Variants in GLI2 observed in about 807,000 individuals in gnomAD.
GLI2 encodes the protein GLI family zinc finger 2.
A neutral mutation model predicts 78.9 loss-of-function variants in GLI2; 22 were observed. That is an observed-to-expected ratio of 0.28 (90% confidence interval 0.20 to 0.40). The LOEUF is 0.40. Ranked by LOEUF, GLI2 falls within the 10% of genes least tolerant of loss-of-function variation. The probability of loss-of-function intolerance (pLI) is 1.00; values close to 1 mark genes in which losing one functional copy is unlikely to be tolerated. For synonymous variants in GLI2, 974 were observed against 963.7 expected (o/e 1.01, Z -0.20); for missense variants, 2,097 against 2,213.2 (o/e 0.95, Z 1.05).
At chr2:120,871,891 T>C (rs769721341) in intron 2 of GLI2, among the ~76,000 whole-genome samples, 7 of 152,224 alleles carry the variant, frequency 4.6e-5, no homozygotes, top group Non-Finnish European at 8.8e-5. Flanking sequence ...ATTATGTTTC[T>C]CAACTCCCAC....
intron 6 of GLI2, among the ~76,000 whole-genome samples, chr2:120,970,064 G>A (rs1391234387): frequency 6.6e-6 from 1 of 152,190 alleles, no homozygotes; most frequent in Admixed American, 6.5e-5. Flanking sequence ...CACGTAGTCA[G>A]GGAGCAGCGA....
chr2:120,903,031 G>GAA (rs2104787945), intron 2 of GLI2, among the ~76,000 whole-genome samples: 2 of 152,300 alleles, frequency 1.3e-5, no homozygotes, highest in East Asian at 3.9e-4. Flanking sequence ...GGCATTTATT[G>GAA]AAGCCAGTTC....
chr2:120,754,452 G>C (rs965216585), intron 1 of GLI2, among the ~76,000 whole-genome samples: 3 of 150,606 alleles, frequency 2.0e-5, no homozygotes, highest in African/African-American at 7.4e-5. Flanking sequence ...CCCACCCCCT[G>C]GCCTTCCCTG....
intron 2 of GLI2, among the ~76,000 whole-genome samples, chr2:120,829,700 G>A (rs1405622092): frequency 6.6e-6 from 1 of 152,224 alleles, no homozygotes; most frequent in Non-Finnish European, 1.5e-5. Context: ...CTGTAGCTGT[G>A]GGCCCGGGCC....
At chr2:120,974,110 A>C (rs1682330150) in intron 8 of GLI2, among the ~76,000 whole-genome samples, 1 of 152,146 alleles carries the variant, frequency 6.6e-6, no homozygotes, top group Non-Finnish European at 1.5e-5. Context: ...AGTGCGAAGC[A>C]ATCTTGGTAA....
At chr2:120,760,351 G>A (rs1683176931) in intron 1 of GLI2, among the ~76,000 whole-genome samples, 1 of 152,190 alleles carries the variant, frequency 6.6e-6, no homozygotes, top group Admixed American at 6.5e-5. Flanking sequence ...GGCCTCCCAG[G>A]TGCCATCGCT....
intron 2 of GLI2, among the ~76,000 whole-genome samples, chr2:120,875,813 G>T (rs796764309): frequency 1.3e-5 from 2 of 152,118 alleles, no homozygotes; most frequent in Admixed American, 1.3e-4. Context: ...GGGATGAGGT[G>T]GGGGGGCTGG....
intron 2 of GLI2, among the ~76,000 whole-genome samples, chr2:120,857,776 C>A: frequency 6.7e-6 from 1 of 150,314 alleles, no homozygotes; most frequent in East Asian, 2.0e-4. Flanking sequence ...CCCCCCACCC[C>A]CACCCCCACC....
At chr2:120,753,148 G>A (rs759645476) in intron 1 of GLI2, among the ~76,000 whole-genome samples, 10 of 150,580 alleles carry the variant, frequency 6.6e-5, no homozygotes, top group Non-Finnish European at 5.9e-5. Context: ...AGTCTGGAGG[G>A]TGCAGTGGCA....
intron 1 of GLI2, among the ~76,000 whole-genome samples, chr2:120,768,509 C>T (rs939981537): frequency 6.6e-6 from 1 of 152,214 alleles, no homozygotes; most frequent in Admixed American, 6.5e-5. Context: ...ACAGAAGGGG[C>T]TCCGTCTACA....
At chr2:120,982,151 C>T (rs555982882) in intron 10 of GLI2, among the ~76,000 whole-genome samples, 83 of 152,068 alleles carry the variant, frequency 5.5e-4, no homozygotes, top group African/African-American at 1.9e-3. Context: ...CCAGAGGGGT[C>T]GGTAGTATGC....
chr2:120,885,501 A>G (rs549303905), intron 2 of GLI2, among the ~76,000 whole-genome samples: 378 of 152,312 alleles, frequency 2.5e-3, no homozygotes, highest in Non-Finnish European at 4.5e-3. Context: ...CTTCTGGGGC[A>G]GCGTGTGTTT....
chr2:120,760,006 G>A (rs1375066885), intron 1 of GLI2, among the ~76,000 whole-genome samples: 1 of 152,260 alleles, frequency 6.6e-6, no homozygotes, highest in Non-Finnish European at 1.5e-5. Context: ...TCAGGTGAGA[G>A]CCCTGGGGGA....
intron 5 of GLI2, among the ~76,000 whole-genome samples, chr2:120,968,277 C>T (rs1681955138): frequency 1.3e-5 from 2 of 152,176 alleles, no homozygotes; most frequent in Non-Finnish European, 2.9e-5. Context: ...TGGAGGGGGC[C>T]TGTGGACAAT....
chr2:120,875,377 G>A (rs146519093), intron 2 of GLI2, among the ~76,000 whole-genome samples: 8 of 152,372 alleles, frequency 5.3e-5, no homozygotes, highest in Non-Finnish European at 7.3e-5. Flanking sequence ...TCAAGCTCTG[G>A]GAACGAGAGG....
Position 120,795,018 on chromosome 2 carries a change from T to C in GLI2, c.-30-2273T>C, listed in dbSNP as rs1684318864. Among the ~76,000 whole-genome samples, 3 of 152,298 alleles carry C rather than the reference T, an allele frequency of 2.0e-5. No individual in the cohort carries two copies. In the South Asian group the frequency reaches 6.2e-4, roughly 32 times the overall value. On this transcript the variant is annotated intron_variant, in intron 1 of 13. Transcript: ENST00000361492. Reference sequence around the variant, plus strand: ...CCTTCATGTGGCCCCTCCATTGTTCTTGTGTACTCATTTTTTTCTACTTAA... The same window carrying C: ...CCTTCATGTGGCCCCTCCATTGTTCCTGTGTACTCATTTTTTTCTACTTAA...
At chr2:120,904,867 C>A (rs1328213748) in intron 2 of GLI2, among the ~76,000 whole-genome samples, 1 of 152,196 alleles carries the variant, frequency 6.6e-6, no homozygotes, top group African/African-American at 2.4e-5. Context: ...GGCCCCTGTG[C>A]TTCGGCCTCT....
At position 120,989,986 on chromosome 2, in the gene GLI2, C is replaced by T. The variant is rs1683209118; in HGVS notation, c.4021C>T (p.Pro1341Ser). 1.2e-6 allele frequency: 2 copies of T among 1,610,342 alleles called. No individual in the cohort carries two copies. Among genetic ancestry groups the T allele is most frequent in the East Asian group, 4.5e-5 (2 of 44,794 alleles). The change falls in exon 14 of 14, where the codon CCG becomes TCG. Residue 1341 changes from proline (P) to serine (S), a missense_variant. Transcript: ENST00000361492. ...QPGFMEPQTG[P>S]MGVATAGFGL... ...TGGCTTCATGGAGCCCCAAACAGGC[C>T]CGATGGGGGTGGCTACAGCAGGCTT...
chr2:120,894,948 C>T (rs1163958225), intron 2 of GLI2, among the ~76,000 whole-genome samples: 2 of 152,216 alleles, frequency 1.3e-5, no homozygotes, highest in African/African-American at 2.4e-5. Flanking sequence ...CTGCCCGCCT[C>T]AGCTTCCCAA....
Sources: gnomAD v4.1 joint callset for allele counts (sites outside exome capture counted in the v4.1 genomes callset) on GRCh38, gnomAD v4.1.1 for gene constraint, MANE v1.5 for transcripts, NCBI Gene and HGNC (gene_info 2026-07-23, HGNC 2026-07-21) for gene names.